Variants in CACNA1A observed in about 807,000 individuals in gnomAD.
The protein encoded by CACNA1A is calcium voltage-gated channel subunit alpha1 A, also known as voltage-dependent P/Q-type calcium channel subunit alpha-1A.
CACNA1A carries 57 observed loss-of-function variants against 262.4 expected under a neutral mutation model. The observed-to-expected ratio is 0.22, with a 90% CI of 0.18 to 0.27. The LOEUF (loss-of-function observed/expected upper bound fraction) is 0.27. Among genes scored for constraint, CACNA1A ranks in the 10% least tolerant of loss-of-function variants. CACNA1A has a pLI of 1.00. For missense variants in CACNA1A, 2,526 were observed against 3,562.8 expected (o/e 0.71, Z 7.41); for synonymous variants, 1,431 against 1,419.3 (o/e 1.01, Z -0.18).
chr19:13,271,953 A>G (rs4926247), intron 24 of CACNA1A: 133,071 of 152,056 alleles, frequency 0.88, 58,427 homozygotes, highest in African/African-American at 0.95. Flanking sequence ...TAGTAGAGAC[A>G]GGGTTTTACC....
Position 13,207,779 on chromosome 19 carries a change from T to C in CACNA1A, c.7055A>G (p.Asp2352Gly), listed in dbSNP as rs1394943190. ...PGPTAEPLAG[D>G]RPPTGGHSSG... is the part of the protein sequence containing the mutation. ...GCTGTGGCCCCCCGTGGGCGGCCGA[T>C]CTCCGGCCAGAGGCTCGGCCGTGGG... The change falls in exon 47 of 47, where the codon GAT (aspartate) becomes GGT (glycine). Residue 2352 changes from aspartate to glycine, a missense_variant. This residue lies in a region of CACNA1A where 929 missense variants were observed against 868.1 expected (regional missense o/e 1.07). Transcript: ENST00000360228. This position sits in a 1 kb window ranked among gnomAD's most constrained non-coding sequence, Gnocchi z 5.7. The C allele has an allele frequency of 1.1e-5, 15 of 1,388,480 alleles. No homozygotes were observed. The South Asian group carries it at 2.1e-4, about 20-fold the overall frequency. The allele number at this position is 1,388,480 out of a possible 1,614,324, so 86.0% of individuals were successfully genotyped here. A position where few individuals can be genotyped will look rare whatever the true frequency, so the allele number is the denominator to read the frequency against.
Position 13,286,882 on chromosome 19 carries a change from G to C in CACNA1A, c.3174C>G (p.Asp1058Glu), listed in dbSNP as rs752075131. ...TGTCAATATCCTCTGCCAGGGGTGG[G>C]TCTTGGCGGCCCAGGTCCTGCTGGA... ...RPIQQDLGRQ[D>E]PPLAEDIDNM... Residue 1058 changes from aspartate (D) to glutamate (E), a missense_variant, in exon 20 of 47, where the codon GAC becomes GAG. By Grantham distance (45) the Asp-to-Glu change is conservative. Coordinates refer to ENST00000360228, the MANE Select transcript of CACNA1A (RefSeq NM_001127222.2). 1 of 1,613,520 alleles carries C rather than the reference G, an allele frequency of 6.2e-7. No homozygotes were observed. Among genetic ancestry groups the C allele is most frequent in the Admixed American group, 1.7e-5 (1 of 60,018 alleles).
At chr19:13,459,058 C>T (rs898669958) in intron 1 of CACNA1A, among the ~76,000 whole-genome samples, 8 of 152,114 alleles carry the variant, frequency 5.3e-5, no homozygotes, top group African/African-American at 1.7e-4. Flanking sequence ...CCCCTCCTGT[C>T]CAGTGATGAC....
intron 3 of CACNA1A, among the ~76,000 whole-genome samples, chr19:13,381,419 T>C (rs970765719): frequency 3.3e-5 from 5 of 151,926 alleles, no homozygotes; most frequent in African/African-American, 1.2e-4. Flanking sequence ...AAAGATATTT[T>C]GCACATGGTT....
chr19:13,356,251 G>C (rs149270852), intron 6 of CACNA1A, among the ~76,000 whole-genome samples: 3 of 152,164 alleles, frequency 2.0e-5, no homozygotes, highest in Non-Finnish European at 4.4e-5. Context: ...AGGTCACCCC[G>C]GGCCAGGATC....
chr19:13,446,442 CT>C (rs547034790), intron 3 of CACNA1A, among the ~76,000 whole-genome samples: 154 of 122,476 alleles, frequency 1.3e-3, no homozygotes, highest in Middle Eastern at 4.1e-3. Context: ...TTTTTTCTTT[CT>C]TTTTTTTTTT....
intron 26 of CACNA1A, 57 bp downstream of exon 26, chr19:13,261,393 T>C (rs1384605460): frequency 1.3e-5 from 19 of 1,487,934 alleles, no homozygotes; most frequent in East Asian, 2.5e-5. Context: ...CTCTAGCCAC[T>C]TCCCCCCTGC....
chr19:13,209,161 C>T, intron 45 of CACNA1A, 151 bp downstream of exon 45: 9 of 1,308,260 alleles, frequency 6.9e-6, no homozygotes, highest in Non-Finnish European at 8.3e-6. Context: ...GGGTAGTACC[C>T]AGGTTCCTGC....
rs922045532 is a variant in CACNA1A at position 13,207,188 on chromosome 19, G to C, written c.*125C>G. 1.0e-5 allele frequency: 11 copies of C among 1,061,072 alleles called. No individual in the cohort carries two copies. In the Admixed American group the frequency reaches 2.5e-4, roughly 24 times the overall value. The allele number at this position is 1,061,072 out of a possible 1,614,324, so 65.7% of individuals were successfully genotyped here. ...CCAGCCCTGGCCTCTCCAGAGTCTGGGGTCTCCCGGCTGGCCCTCTCCCGG... is the reference window on the plus strand; with the variant it reads ...CCAGCCCTGGCCTCTCCAGAGTCTGCGGTCTCCCGGCTGGCCCTCTCCCGG... On this transcript the variant is annotated 3_prime_UTR_variant, in exon 47 of 47. Coordinates refer to ENST00000360228, the MANE Select transcript of CACNA1A (RefSeq NM_001127222.2). This position sits in a 1 kb window ranked among gnomAD's most constrained non-coding sequence, Gnocchi z 5.7.
chr19:13,318,104 G>T (rs561687478), intron 10 of CACNA1A, among the ~76,000 whole-genome samples: 1 of 150,952 alleles, frequency 6.6e-6, no homozygotes, highest in Non-Finnish European at 1.5e-5. Flanking sequence ...GCAACACAGC[G>T]AGACAAGTTC....
At chr19:13,497,937 T>C (rs1981886002) in intron 1 of CACNA1A, among the ~76,000 whole-genome samples, 1 of 151,898 alleles carries the variant, frequency 6.6e-6, no homozygotes, top group Non-Finnish European at 1.5e-5. Flanking sequence ...CAGGGTGGAC[T>C]GTTCCCAAGC....
At chr19:13,424,081 G>A (rs2060359665) in intron 3 of CACNA1A, among the ~76,000 whole-genome samples, 1 of 152,112 alleles carries the variant, frequency 6.6e-6, no homozygotes, top group African/African-American at 2.4e-5. Context: ...AGGCGTGGTG[G>A]CTTACGTCTG....
intron 15 of CACNA1A, among the ~76,000 whole-genome samples, chr19:13,305,910 A>C (rs4455092): frequency 0.15 from 23,297 of 152,038 alleles, 1,838 homozygotes; most frequent in East Asian, 0.28. Flanking sequence ...AAATACAAAA[A>C]TTAGCCAGGC....
At position 13,228,752 on chromosome 19, in the gene CACNA1A, T is replaced by C. The variant is rs1432354078; in HGVS notation, c.5529-1225A>G. On this transcript the variant is annotated intron_variant, in intron 36 of 46. Coordinates refer to ENST00000360228, the MANE Select transcript of CACNA1A (RefSeq NM_001127222.2). ...TTGCCTAAGCCGAGAGGGGGAGATA[T>C]TACTCGTAATAAACTGTACATATCC... is the stretch of plus-strand genomic sequence containing the variant. The C allele has an allele frequency of 1.9e-6, 3 of 1,601,712 alleles. No homozygotes were observed. The highest frequency in any genetic ancestry group is 3.3e-4 in the Middle Eastern group (2 of 6,026).
At chr19:13,389,779 G>A (rs572023806) in intron 3 of CACNA1A, among the ~76,000 whole-genome samples, 35 of 152,036 alleles carry the variant, frequency 2.3e-4, no homozygotes, top group Admixed American at 5.9e-4. Flanking sequence ...CCCTCAGGTA[G>A]TCTTTGCATT....
At chr19:13,277,356 C>T (rs964050015) in intron 22 of CACNA1A, 3 of 463,226 alleles carry the variant, frequency 6.5e-6, no homozygotes, top group Non-Finnish European at 1.2e-5. Flanking sequence ...GGCAGCAAAT[C>T]CTAACAAAAA....
chr19:13,419,808 G>A lies in CACNA1A; in HGVS notation c.539+33068C>T, dbSNP rs181270880. Among the ~76,000 whole-genome samples the A allele has an allele frequency of 3.2e-4, 48 of 152,184 alleles. 1 individual carries two copies. The highest frequency in any genetic ancestry group is 1.9e-3 in the East Asian group (10 of 5,160). On this transcript the variant is annotated intron_variant, in intron 3 of 46. Coordinates refer to ENST00000360228, the MANE Select transcript of CACNA1A (RefSeq NM_001127222.2). ...TGTTAAAATGAAGAAAATCCTGGCC[G>A]GGCATGGTGGCTCATGCCTGTAATC...
At chr19:13,361,466 T>C (rs28469404) in intron 5 of CACNA1A, among the ~76,000 whole-genome samples, 12,395 of 152,018 alleles carry the variant, frequency 0.082, 1,563 homozygotes, top group African/African-American at 0.27. Context: ...CTTTTGAAGG[T>C]TTTCAAAGAC....
chr19:13,437,517 C>A (rs1351636288), intron 3 of CACNA1A, among the ~76,000 whole-genome samples: 6 of 151,788 alleles, frequency 4.0e-5, no homozygotes, highest in Non-Finnish European at 7.4e-5. Flanking sequence ...ATGGCGAAAC[C>A]CTGTCTCTAC....
Sources: allele counts gnomAD v4.1 joint callset (sites outside exome capture counted in the v4.1 genomes callset), GRCh38; gene constraint gnomAD v4.1.1; regional missense constraint gnomAD v4.1.1; non-coding constraint Gnocchi (gnomAD v3.1); transcripts MANE v1.5; gene names NCBI Gene and HGNC (gene_info 2026-07-23, HGNC 2026-07-21).